The following COX7B2 variants were observed in gnomAD, a reference collection of about 807,000 sequenced individuals.
COX7B2 encodes cytochrome c oxidase subunit 7B2.
For synonymous variants in COX7B2, 37 were observed against 32.1 expected, an observed-to-expected ratio of 1.15 and a Z score of -0.51; for missense variants, 109 against 95.9, an observed-to-expected ratio of 1.14 and a Z score of -0.57.
intron 1 of COX7B2, among the ~76,000 whole-genome samples, chr4:46,845,383 T>C (rs1346223878): frequency 6.6e-6 from 1 of 151,904 alleles, no homozygotes; most frequent in African/African-American, 2.4e-5. Context: ...CTAATATGCT[T>C]GGAGACTTCT....
chr4:46,747,671 C>T lies in COX7B2; in HGVS notation c.-49-12430G>A, dbSNP rs1715106666. On this transcript the variant is annotated intron_variant, in intron 2 of 2. Transcript: ENST00000355591. ...AAAATATAGTTTTCAAACACTTCTCCTTTAAAGGTGACCTTCAAGTGCAAC... is the reference window on the plus strand; with the variant it reads ...AAAATATAGTTTTCAAACACTTCTCTTTTAAAGGTGACCTTCAAGTGCAAC... Among the ~76,000 whole-genome samples, 3 of 152,206 alleles carry T rather than the reference C, an allele frequency of 2.0e-5. No homozygotes were observed. In the South Asian group the frequency reaches 6.2e-4, roughly 32 times the overall value.
At chr4:46,888,580 A>T (rs575788881) in intron 1 of COX7B2, among the ~76,000 whole-genome samples, 56 of 151,682 alleles carry the variant, frequency 3.7e-4, no homozygotes, top group African/African-American at 1.4e-3. Context: ...AGTAGCTGGG[A>T]CTACAGGCGC....
At chr4:46,810,275 G>T (rs1039381668) in intron 2 of COX7B2, among the ~76,000 whole-genome samples, 1 of 152,004 alleles carries the variant, frequency 6.6e-6, no homozygotes, top group Non-Finnish European at 1.5e-5. Context: ...ATTCAAGGTT[G>T]TTACTGATAC....
intron 1 of COX7B2, among the ~76,000 whole-genome samples, chr4:46,901,811 A>C (rs748740466): frequency 6.6e-6 from 1 of 152,196 alleles, no homozygotes; most frequent in African/African-American, 2.4e-5. Context: ...GGTTCACCAG[A>C]TTTCACATTC....
At chr4:46,872,255 A>C (rs1284712434) in intron 1 of COX7B2, among the ~76,000 whole-genome samples, 2 of 152,150 alleles carry the variant, frequency 1.3e-5, no homozygotes, top group African/African-American at 4.8e-5. Flanking sequence ...ATCACTTATA[A>C]ACTGGATCCA....
chr4:46,887,398 TA>T (rs1719140795), intron 1 of COX7B2, among the ~76,000 whole-genome samples: 1 of 152,064 alleles, frequency 6.6e-6, no homozygotes, highest in African/African-American at 2.4e-5. Context: ...TAAGATCATG[TA>T]CATAAAACTA....
rs1014476419 is a variant in COX7B2 at position 46,744,879 on chromosome 4, G to T, written c.-49-9638C>A. ...CGCCTCAGCTGGACTACAGGCGCAC[G>T]CTGGCACGCCCGGCTAATTTTGTTG... On this transcript the variant is annotated intron_variant, in intron 2 of 2. Transcript: ENST00000355591. Among the ~76,000 whole-genome samples the T allele has an allele frequency of 5.3e-5, 8 of 151,252 alleles. No individual in the cohort carries two copies. The South Asian group carries it at 1.7e-3, about 32-fold the overall frequency.
At chr4:46,736,229 C>A (rs1714357017) in intron 2 of COX7B2, among the ~76,000 whole-genome samples, 1 of 152,124 alleles carries the variant, frequency 6.6e-6, no homozygotes, top group Admixed American at 6.5e-5. Flanking sequence ...ACACAGAAAG[C>A]CAATCACTGA....
At chr4:46,774,806 T>C (rs1415989447) in intron 2 of COX7B2, among the ~76,000 whole-genome samples, 1 of 152,056 alleles carries the variant, frequency 6.6e-6, no homozygotes, top group Non-Finnish European at 1.5e-5. Flanking sequence ...TAACTGATCC[T>C]AGGGCTGATC....
At chr4:46,833,485 T>C (rs1577630438) in intron 2 of COX7B2, among the ~76,000 whole-genome samples, 1 of 152,132 alleles carries the variant, frequency 6.6e-6, no homozygotes, top group East Asian at 1.9e-4. Flanking sequence ...ATGGAAAAAG[T>C]ATAGCCCAAA....
intron 2 of COX7B2, among the ~76,000 whole-genome samples, chr4:46,839,895 G>A (rs1222466020): frequency 6.6e-6 from 1 of 151,908 alleles, no homozygotes; most frequent in African/African-American, 2.4e-5. Flanking sequence ...AAATATAGGT[G>A]GGGAGGTGAG....
intron 2 of COX7B2, among the ~76,000 whole-genome samples, chr4:46,762,336 AAT>A (rs926259996): frequency 4.4e-5 from 6 of 136,102 alleles, no homozygotes; most frequent in Admixed American, 8.1e-5. Context: ...ACTATATATT[AAT>A]ATATATTTAT....
chr4:46,897,313 A>G (rs531363030), intron 1 of COX7B2, among the ~76,000 whole-genome samples: 1 of 152,286 alleles, frequency 6.6e-6, no homozygotes, highest in African/African-American at 2.4e-5. Flanking sequence ...AAATGAATCG[A>G]TATCTCTCCA....
Position 46,744,387 on chromosome 4 carries a change from T to C in COX7B2, c.-49-9146A>G, listed in dbSNP as rs992956177. ...GTCGGTCGGAGAGACGAATTTGAGA[T>C]TGATCTCCCTCCCATCTCCTTGGCT... On this transcript the variant is annotated intron_variant, in intron 2 of 2. Transcript: ENST00000355591. Among the ~76,000 whole-genome samples the C allele has an allele frequency of 5.4e-4, 82 of 152,194 alleles. 1 individual carries two copies. Among genetic ancestry groups the C allele is most frequent in the African/African-American group, 1.9e-3 (80 of 41,508 alleles).
intron 2 of COX7B2, among the ~76,000 whole-genome samples, chr4:46,763,164 C>G (rs1026358536): frequency 5.6e-4 from 62 of 109,830 alleles, no homozygotes; most frequent in African/African-American, 2.2e-3. Context: ...TATATATTTA[C>G]AATATATATT....
At chr4:46,860,337 A>G (rs1717262059) in intron 1 of COX7B2, among the ~76,000 whole-genome samples, 1 of 152,188 alleles carries the variant, frequency 6.6e-6, no homozygotes, top group South Asian at 2.1e-4. Flanking sequence ...CTTTCTTGTC[A>G]GGTGACAGCA....
At chr4:46,845,182 T>G (rs11935374) in intron 1 of COX7B2, among the ~76,000 whole-genome samples, 168 bp from the exon 2 acceptor site, 8,397 of 152,070 alleles carry the variant, frequency 0.055, 303 homozygotes, top group South Asian at 0.16. Flanking sequence ...AGAAACAAAG[T>G]TGAAAAGGAA....
intron 1 of COX7B2, among the ~76,000 whole-genome samples, chr4:46,897,622 T>A (rs1413376664): frequency 6.6e-6 from 1 of 152,210 alleles, no homozygotes; most frequent in Non-Finnish European, 1.5e-5. Context: ...CCTACGGCTG[T>A]CAACTCAGCA....
rs144072913 is a variant in COX7B2 at position 46,768,104 on chromosome 4, G to A, written c.-49-32863C>T. On this transcript the variant is annotated intron_variant, in intron 2 of 2. Coordinates refer to ENST00000355591, the MANE Select transcript of COX7B2 (RefSeq NM_130902.3). The stretch of plus-strand genomic sequence containing the variant: ...TTTAACATTGCTGTCCACGGATTGC[G>A]TAAGTGTTAAACAGCTCACTGGAGA... Among the ~76,000 whole-genome samples the A allele has an allele frequency of 7.2e-3, 1,097 of 152,332 alleles. 8 individuals are homozygous for A. Among genetic ancestry groups the A allele is most frequent in the Middle Eastern group, 0.037 (11 of 294 alleles).
Sources: allele counts gnomAD v4.1 joint callset (sites outside exome capture counted in the v4.1 genomes callset), GRCh38; gene constraint gnomAD v4.1.1; transcripts MANE v1.5; gene names NCBI Gene and HGNC (gene_info 2026-07-23, HGNC 2026-07-21).